The following KIRREL3 variants were observed in gnomAD, a reference collection of about 807,000 sequenced individuals.
The protein encoded by KIRREL3 is kin of IRRE-like protein 3.
A neutral mutation model predicts 89.7 loss-of-function variants in KIRREL3; 36 were observed. The observed-to-expected ratio is 0.40, with a 90% CI of 0.31 to 0.53. The LOEUF (loss-of-function observed/expected upper bound fraction) is 0.53. KIRREL3 is among the 20% of genes least tolerant of loss of function. The probability of loss-of-function intolerance (pLI) is 0.49; values close to 1 mark genes in which losing one functional copy is unlikely to be tolerated. For missense variants in KIRREL3, 864 were observed against 1,056.6 expected (o/e 0.82, Z 2.53); for synonymous variants, 445 against 441.4 (o/e 1.01, Z -0.10).
chr11:126,928,997 AAG>A (rs202166842), intron 1 of KIRREL3, among the ~76,000 whole-genome samples: 6,182 of 152,262 alleles, frequency 0.041, 184 homozygotes, highest in Non-Finnish European at 0.061. Flanking sequence ...AGTAAAAGAA[AAG>A]AGAGAGAAAA....
intron 1 of KIRREL3, among the ~76,000 whole-genome samples, chr11:126,632,716 A>C (rs1363516481): frequency 7.7e-3 from 15 of 1,940 alleles, no homozygotes; most frequent in Non-Finnish European, 4.9e-3. Flanking sequence ...CATATTAGCC[A>C]CTGCTGTAAC....
In KIRREL3 at chr11:126,923,272, TCTC is replaced by T. The variant is rs1418294524; in HGVS notation, c.55+77180_55+77182del. Among the ~76,000 whole-genome samples, 8 of 101,440 alleles carry T rather than the reference TCTC, an allele frequency of 7.9e-5. 2 individuals are homozygous for T. The highest frequency in any genetic ancestry group is 3.3e-4 in the African/African-American group (8 of 23,924). The allele number at this position is 101,440 out of a possible 152,430, so 66.5% of individuals were successfully genotyped here. On this transcript the variant is annotated intron_variant, in intron 1 of 16. Coordinates refer to ENST00000525144, the MANE Select transcript of KIRREL3 (RefSeq NM_032531.4). ...TTCTTCTTCTTCTTCTTCTTCTCCT[TCTC>T]CTTCTCCTTCTCCTTCTCCTTCTTC...
Position 126,640,379 on chromosome 11 carries a change from C to T in KIRREL3, c.56-77467G>A, listed in dbSNP as rs911151756. Among the ~76,000 whole-genome samples, 1 of 152,196 alleles carries T rather than the reference C, an allele frequency of 6.6e-6. No individual in the cohort carries two copies. Among genetic ancestry groups the T allele is most frequent in the South Asian group, 2.1e-4 (1 of 4,814 alleles). ...GTGCGCGCGCACACACACGCACACG[C>T]GCACACACAGAATTAAAAGGCATCC... On this transcript the variant is annotated intron_variant, in intron 1 of 16. Transcript: ENST00000525144. The surrounding 1 kb of genome is among the most constrained non-coding windows in gnomAD (Gnocchi z 4.9).
At chr11:126,800,772 G>C (rs1369867238) in intron 1 of KIRREL3, among the ~76,000 whole-genome samples, 5 of 152,168 alleles carry the variant, frequency 3.3e-5, no homozygotes, top group African/African-American at 1.2e-4. Flanking sequence ...CTTTCTGGCT[G>C]CACAGAACCA....
intron 1 of KIRREL3, among the ~76,000 whole-genome samples, chr11:126,866,999 C>A (rs1010897304): frequency 3.3e-5 from 5 of 152,190 alleles, no homozygotes; most frequent in East Asian, 3.9e-4. Flanking sequence ...TCTGTCCTTG[C>A]GATAAGGCAG....
chr11:126,738,992 T>C (rs762070829), intron 1 of KIRREL3, among the ~76,000 whole-genome samples: 1 of 152,194 alleles, frequency 6.6e-6, no homozygotes, highest in Non-Finnish European at 1.5e-5. Flanking sequence ...CAGATATATA[T>C]TATCTAATTC....
At chr11:126,453,343 C>T (rs1956245136) in intron 7 of KIRREL3, among the ~76,000 whole-genome samples, 1 of 152,042 alleles carries the variant, frequency 6.6e-6, no homozygotes, top group African/African-American at 2.4e-5. Flanking sequence ...CTCCTGGTCC[C>T]TAGGAGCATC....
Position 126,697,279 on chromosome 11 carries a change from C to G in KIRREL3, c.56-134367G>C, listed in dbSNP as rs1275391088. 1.3e-5 allele frequency among the ~76,000 whole-genome samples: 2 copies of G among 152,224 alleles called. No homozygotes were observed. On this transcript the variant is annotated intron_variant, in intron 1 of 16. Transcript: ENST00000525144. This position sits in a 1 kb window ranked among gnomAD's most constrained non-coding sequence, Gnocchi z 4.2. Reference sequence around the variant, plus strand: ...AGAAGGCGGGACTTCCTCTATTGCCCTAGGCCCTGGGGTGAACTGCAGCCA... The same window carrying G: ...AGAAGGCGGGACTTCCTCTATTGCCGTAGGCCCTGGGGTGAACTGCAGCCA...
Position 126,578,479 on chromosome 11 carries a change from T to G in KIRREL3, c.56-15567A>C, listed in dbSNP as rs1005630203. Among the ~76,000 whole-genome samples the G allele has an allele frequency of 6.6e-6, 1 of 151,814 alleles. No individual in the cohort carries two copies. On this transcript the variant is annotated intron_variant, in intron 1 of 16. Coordinates refer to ENST00000525144, the MANE Select transcript of KIRREL3 (RefSeq NM_032531.4). The surrounding 1 kb of genome is among the most constrained non-coding windows in gnomAD (Gnocchi z 4.9). ...GCCTACCTGCTAATAAGAGCGGGAGTGTGGATTGTGCACATAGGTGGGGAC... is the reference window on the plus strand; with the variant it reads ...GCCTACCTGCTAATAAGAGCGGGAGGGTGGATTGTGCACATAGGTGGGGAC...
intron 4 of KIRREL3, among the ~76,000 whole-genome samples, chr11:126,509,767 G>A (rs546282745): frequency 8.5e-4 from 129 of 152,190 alleles, no homozygotes; most frequent in Middle Eastern, 3.4e-3. Flanking sequence ...AGGCCAAGGC[G>A]GGGGAATCAC....
At position 126,843,896 on chromosome 11, in the gene KIRREL3, A is replaced by G. The variant is rs999413335; in HGVS notation, c.55+156559T>C. 2.0e-5 allele frequency among the ~76,000 whole-genome samples: 3 copies of G among 152,206 alleles called. No homozygotes were observed. The highest frequency in any genetic ancestry group is 7.2e-5 in the African/African-American group (3 of 41,456). Reference sequence around the variant, plus strand: ...CAGAAAGTTACCCTACCTGGGCTCAAAAGGGGAGGCATGAATAATCCCCTT... The same window carrying G: ...CAGAAAGTTACCCTACCTGGGCTCAGAAGGGGAGGCATGAATAATCCCCTT... On this transcript the variant is annotated intron_variant, in intron 1 of 16. Coordinates refer to ENST00000525144, the MANE Select transcript of KIRREL3 (RefSeq NM_032531.4). The surrounding 1 kb of genome is among the most constrained non-coding windows in gnomAD (Gnocchi z 4.6).
At chr11:126,451,442 GTC>G (rs1956154104) in intron 7 of KIRREL3, among the ~76,000 whole-genome samples, 3 of 150,820 alleles carry the variant, frequency 2.0e-5, no homozygotes, top group African/African-American at 4.9e-5. Context: ...GCATGTGTGT[GTC>G]CAAGTGCATG....
Position 126,513,288 on chromosome 11 carries a change from T to C in KIRREL3, c.433+8027A>G, listed in dbSNP as rs1958286578. 6.6e-6 allele frequency among the ~76,000 whole-genome samples: 1 copy of C among 152,006 alleles called. No individual in the cohort carries two copies. The highest frequency in any genetic ancestry group is 1.5e-5 in the Non-Finnish European group (1 of 67,988). The stretch of plus-strand genomic sequence containing the variant: ...GGGGGCTGGCCCTGGGCATGGTCAT[T>C]TGGGAAGCTACCCCCAGATTTCAGT... On this transcript the variant is annotated intron_variant, in intron 4 of 16. Transcript: ENST00000525144. The surrounding 1 kb of genome is among the most constrained non-coding windows in gnomAD (Gnocchi z 5.9).
intron 1 of KIRREL3, among the ~76,000 whole-genome samples, chr11:126,596,422 T>C (rs1020850713): frequency 6.6e-6 from 1 of 152,232 alleles, no homozygotes; most frequent in Non-Finnish European, 1.5e-5. Context: ...ATGCCCAATG[T>C]CACACAGCCA....
At chr11:126,923,742 C>G (rs1028357051) in intron 1 of KIRREL3, among the ~76,000 whole-genome samples, 3 of 152,160 alleles carry the variant, frequency 2.0e-5, no homozygotes, top group Non-Finnish European at 4.4e-5. Context: ...CCGCACCTGG[C>G]CTGCCTACTT....
intron 1 of KIRREL3, among the ~76,000 whole-genome samples, chr11:126,826,950 G>A (rs11220629): frequency 0.86 from 131,304 of 152,226 alleles, 56,968 homozygotes; most frequent in East Asian, 1. Context: ...ATGAGGCAGA[G>A]TAGCAGAGGT....
intron 1 of KIRREL3, among the ~76,000 whole-genome samples, chr11:126,810,986 T>C (rs764057397): frequency 6.6e-6 from 1 of 152,180 alleles, no homozygotes; most frequent in Non-Finnish European, 1.5e-5. Flanking sequence ...GGTACGTTAA[T>C]GAGCCTTGCA....
At chr11:126,693,072 C>A (rs970134117) in intron 1 of KIRREL3, among the ~76,000 whole-genome samples, 2 of 152,216 alleles carry the variant, frequency 1.3e-5, no homozygotes, top group African/African-American at 4.8e-5. Context: ...GACCAGCCAC[C>A]CTCTAGGTGA....
At chr11:126,757,313 GAA>G (rs1405939847) in intron 1 of KIRREL3, among the ~76,000 whole-genome samples, 1 of 151,474 alleles carries the variant, frequency 6.6e-6, no homozygotes, top group African/African-American at 2.4e-5. Context: ...AAAAAAAAAA[GAA>G]AAGAGAAGAA....
Sources: gnomAD v4.1 joint callset for allele counts (sites outside exome capture counted in the v4.1 genomes callset) on GRCh38, gnomAD v4.1.1 for gene constraint, Gnocchi (gnomAD v3.1) non-coding constraint, MANE v1.5 for transcripts, NCBI Gene and HGNC (gene_info 2026-07-23, HGNC 2026-07-21) for gene names.